TMEM135: variants seen among roughly 807,000 people sequenced by gnomAD.
TMEM135 encodes transmembrane protein 135, also known as peroxisomal membrane protein 52.
In TMEM135, 30 loss-of-function variants were observed where a neutral mutation model predicts 60.3. The observed-to-expected ratio is 0.50, with a 90% CI of 0.37 to 0.68. The LOEUF is 0.68. Among genes scored for constraint, TMEM135 ranks in the 30% least tolerant of loss-of-function variants. The pLI is 0.00. For missense variants in TMEM135, 468 were observed against 548.8 expected, an observed-to-expected ratio of 0.85 and a Z score of 1.47; for synonymous variants, 190 against 186.7, an observed-to-expected ratio of 1.02 and a Z score of -0.14.
intron 6 of TMEM135, among the ~76,000 whole-genome samples, chr11:87,276,333 T>C (rs1941965351): frequency 6.6e-6 from 1 of 152,172 alleles, no homozygotes; most frequent in African/African-American, 2.4e-5. Flanking sequence ...TTGAGGAAAC[T>C]GAAGTTCTGT....
intron 8 of TMEM135, 38 bp downstream of exon 8, chr11:87,302,480 A>G: frequency 6.2e-7 from 1 of 1,612,674 alleles, no homozygotes; most frequent in Non-Finnish European, 8.5e-7. Flanking sequence ...CTGCTTTGTC[A>G]CTGTTTCATA....
intron 4 of TMEM135, among the ~76,000 whole-genome samples, chr11:87,127,814 T>A (rs1937779328): frequency 1.3e-5 from 2 of 152,220 alleles, no homozygotes; most frequent in African/African-American, 4.8e-5. Flanking sequence ...TTCAGTTGCT[T>A]ATCTTTTTAA....
At chr11:87,074,452 A>G (rs565105872) in intron 3 of TMEM135, among the ~76,000 whole-genome samples, 1 of 152,308 alleles carries the variant, frequency 6.6e-6, no homozygotes, top group African/African-American at 2.4e-5. Flanking sequence ...TTTTGAAAAG[A>G]TATTTTTGAA....
intron 5 of TMEM135, among the ~76,000 whole-genome samples, chr11:87,209,192 C>A (rs541096529): frequency 1.1e-4 from 17 of 152,310 alleles, no homozygotes; most frequent in Admixed American, 3.3e-4. Context: ...ATCAAATCCT[C>A]ACATATCAAT....
chr11:87,060,079 C>T (rs950665442), intron 1 of TMEM135, among the ~76,000 whole-genome samples: 2 of 152,052 alleles, frequency 1.3e-5, no homozygotes, highest in African/African-American at 2.4e-5. Flanking sequence ...CGCCACTGCA[C>T]TCCAGCCTTG....
At chr11:87,313,402 C>T in intron 10 of TMEM135, 23 bp from the exon 11 acceptor site, 1 of 1,580,330 alleles carries the variant, frequency 6.3e-7, no homozygotes, top group Non-Finnish European at 8.7e-7. Flanking sequence ...TAACTGAAGT[C>T]ATTGTATTTT....
chr11:87,245,329 T>G, intron 6 of TMEM135, among the ~76,000 whole-genome samples: 1 of 127,810 alleles, frequency 7.8e-6, no homozygotes, highest in South Asian at 2.8e-4. Flanking sequence ...TATATTCTGT[T>G]GATTTGGGGT....
At position 87,183,781 on chromosome 11, in the gene TMEM135, C is replaced by T. The variant is rs185776269; in HGVS notation, c.462+26375C>T. Reference sequence around the variant, plus strand: ...GACCAGCCTGGCTAACACGGTAAAACGCCATCTCTACTAAAAATACAAAAA... The same window carrying T: ...GACCAGCCTGGCTAACACGGTAAAATGCCATCTCTACTAAAAATACAAAAA... On this transcript the variant is annotated intron_variant, in intron 5 of 14. Transcript: ENST00000305494. 1.6e-4 allele frequency among the ~76,000 whole-genome samples: 24 copies of T among 151,720 alleles called. No homozygotes were observed. The East Asian group carries it at 3.7e-3, about 23-fold the overall frequency.
At chr11:87,258,379 A>G (rs1203902454) in intron 6 of TMEM135, among the ~76,000 whole-genome samples, 1 of 152,100 alleles carries the variant, frequency 6.6e-6, no homozygotes, top group Admixed American at 6.6e-5. Context: ...CCTCTTATAC[A>G]TAGGGATTCA....
Position 87,067,808 on chromosome 11 carries a change from T to C in TMEM135, c.256T>C (p.Phe86Leu), listed in dbSNP as rs1856695950. 6.2e-7 allele frequency: 1 copy of C among 1,613,692 alleles called. No individual in the cohort carries two copies. Among genetic ancestry groups the C allele is most frequent in the Non-Finnish European group, 8.5e-7 (1 of 1,179,842 alleles). ...TANGALYMAF[F>L]CILRKILGKF... ...TAATGGGGCCTTGTATATGGCTTTC[T>C]TTTGCATTTTAAGGTTGGTACTCAT... The change falls in exon 2 of 15, where the codon TTT becomes CTT. Residue 86 changes from phenylalanine (F) to leucine (L), a missense_variant. Physicochemically the swap from Phe to Leu is conservative, Grantham distance 22 (BLOSUM62 0). Transcript: ENST00000305494.
At chr11:87,307,005 C>A (rs1011696007) in intron 9 of TMEM135, among the ~76,000 whole-genome samples, 1 of 152,062 alleles carries the variant, frequency 6.6e-6, no homozygotes, top group African/African-American at 2.4e-5. Context: ...AGGTGTGAAC[C>A]ACCGCGCCCG....
At chr11:87,087,592 C>A (rs774706048) in intron 3 of TMEM135, among the ~76,000 whole-genome samples, 12 of 152,176 alleles carry the variant, frequency 7.9e-5, no homozygotes, top group Non-Finnish European at 1.3e-4. Context: ...ACAAACAAGT[C>A]ATGATAGGAC....
intron 6 of TMEM135, among the ~76,000 whole-genome samples, chr11:87,247,588 A>C (rs61906775): frequency 6.6e-6 from 1 of 152,048 alleles, no homozygotes; most frequent in Non-Finnish European, 1.5e-5. Context: ...CCTCGCTGCC[A>C]CCTTGCAGTT....
intron 6 of TMEM135, among the ~76,000 whole-genome samples, chr11:87,257,513 G>A (rs117954536): frequency 8.5e-5 from 13 of 152,114 alleles, no homozygotes; most frequent in Non-Finnish European, 1.5e-4. Context: ...CACATTTCTC[G>A]TCTTCAGTGG....
intron 5 of TMEM135, among the ~76,000 whole-genome samples, chr11:87,162,814 TGAACTAA>T (rs1191414188): frequency 6.6e-6 from 1 of 152,212 alleles, no homozygotes; most frequent in Non-Finnish European, 1.5e-5. Context: ...CCACAATGGT[TGAACTAA>T]TTTACACTTC....
At chr11:87,225,747 G>T (rs957587158) in intron 5 of TMEM135, among the ~76,000 whole-genome samples, 2 of 152,026 alleles carry the variant, frequency 1.3e-5, no homozygotes, top group Non-Finnish European at 2.9e-5. Flanking sequence ...ATAATTGAAA[G>T]CTTCAGTTTG....
At chr11:87,303,954 A>G (rs74615286) in intron 8 of TMEM135, among the ~76,000 whole-genome samples, 4,014 of 152,302 alleles carry the variant, frequency 0.026, 89 homozygotes, top group South Asian at 0.071. Context: ...TGGATGCAGA[A>G]TACTACAGAA....
At chr11:87,111,609 C>A (rs56686948) in intron 4 of TMEM135, among the ~76,000 whole-genome samples, 2 of 145,916 alleles carry the variant, frequency 1.4e-5, no homozygotes, top group African/African-American at 5.1e-5. Context: ...TGAGATCGCA[C>A]CACTGCACTC....
intron 1 of TMEM135, among the ~76,000 whole-genome samples, chr11:87,041,498 C>T (rs995761185): frequency 9.2e-5 from 14 of 152,076 alleles, no homozygotes; most frequent in Admixed American, 5.9e-4. Context: ...AGTCAGAACT[C>T]CTGTGGAATC....
Sources: allele counts gnomAD v4.1 joint callset (sites outside exome capture counted in the v4.1 genomes callset), GRCh38; gene constraint gnomAD v4.1.1; transcripts MANE v1.5; gene names NCBI Gene and HGNC (gene_info 2026-07-23, HGNC 2026-07-21).